The following KCNJ6 variants were observed in gnomAD, a reference collection of about 807,000 sequenced individuals.
The protein encoded by KCNJ6 is G protein-activated inward rectifier potassium channel 2.
A neutral mutation model predicts 34.2 loss-of-function variants in KCNJ6; 9 were observed. That is an observed-to-expected ratio of 0.26 (90% CI 0.16 to 0.46). The LOEUF (loss-of-function observed/expected upper bound fraction) is 0.46, where lower values mean the gene tolerates loss of function less well. KCNJ6 is among the 20% of genes least tolerant of loss of function. The probability of loss-of-function intolerance (pLI) is 1.00; values close to 1 mark genes in which losing one functional copy is unlikely to be tolerated. For synonymous variants in KCNJ6, 196 were observed against 207.1 expected, an observed-to-expected ratio of 0.95 and a Z score of 0.46; for missense variants, 236 against 531.3, an observed-to-expected ratio of 0.44 and a Z score of 5.46.
intron 2 of KCNJ6, among the ~76,000 whole-genome samples, chr21:37,812,244 C>T (rs1477282419): frequency 6.6e-6 from 1 of 152,186 alleles, no homozygotes; most frequent in Non-Finnish European, 1.5e-5. Flanking sequence ...GGCCCCATCA[C>T]CAGCTGCAGT....
intron 2 of KCNJ6, among the ~76,000 whole-genome samples, chr21:37,781,231 T>A (rs917544128): frequency 6.6e-6 from 1 of 152,230 alleles, no homozygotes; most frequent in African/African-American, 2.4e-5. Flanking sequence ...CCCCAAGGGA[T>A]GTCAAGTGTG....
intron 1 of KCNJ6, among the ~76,000 whole-genome samples, chr21:37,851,047 T>C (rs2055535066): frequency 6.6e-6 from 1 of 152,178 alleles, no homozygotes. Context: ...TGATCAAGTT[T>C]TGTGACAGGA....
At chr21:37,761,141 G>A (rs1462944028) in intron 2 of KCNJ6, among the ~76,000 whole-genome samples, 1 of 151,426 alleles carries the variant, frequency 6.6e-6, no homozygotes, top group East Asian at 1.9e-4. Context: ...GTGTACGTGT[G>A]GTATGTGTGG....
intron 1 of KCNJ6, among the ~76,000 whole-genome samples, chr21:37,850,352 G>T (rs2055531358): frequency 6.6e-6 from 1 of 152,022 alleles, no homozygotes; most frequent in Middle Eastern, 3.2e-3. Context: ...GCCTGTTAGG[G>T]ACTGGGCCAC....
chr21:37,824,440 T>C (rs1027867269), intron 2 of KCNJ6, among the ~76,000 whole-genome samples: 2 of 152,018 alleles, frequency 1.3e-5, no homozygotes, highest in Non-Finnish European at 2.9e-5. Context: ...GTTCTGTAGA[T>C]GAAAAGTCTG....
At chr21:37,780,148 GC>G (rs1456061307) in intron 2 of KCNJ6, among the ~76,000 whole-genome samples, 1 of 145,708 alleles carries the variant, frequency 6.9e-6, no homozygotes, top group Non-Finnish European at 1.6e-5. Context: ...TAGTTTTTAA[GC>G]CACAGAAAGA....
At chr21:37,804,454 G>T (rs746686201) in intron 2 of KCNJ6, among the ~76,000 whole-genome samples, 2 of 152,106 alleles carry the variant, frequency 1.3e-5, no homozygotes, top group South Asian at 4.2e-4. Flanking sequence ...TCAGGGGTAC[G>T]TGTGCAGGTT....
chr21:37,737,598 G>A (rs567246382), intron 2 of KCNJ6, among the ~76,000 whole-genome samples: 3 of 152,146 alleles, frequency 2.0e-5, no homozygotes, highest in South Asian at 2.1e-4. Context: ...GAAAATATCC[G>A]GAAAGAGGAC....
chr21:37,905,102 T>TCCATCATC (rs1262548620), intron 1 of KCNJ6, among the ~76,000 whole-genome samples: 19 of 152,306 alleles, frequency 1.2e-4, no homozygotes, highest in South Asian at 2.1e-4. Context: ...TTGGGTGGAA[T>TCCATCATC]CCATCATCAG....
At chr21:37,670,549 G>C (rs1389913801) in intron 3 of KCNJ6, among the ~76,000 whole-genome samples, 6 of 152,160 alleles carry the variant, frequency 3.9e-5, no homozygotes, top group African/African-American at 1.4e-4. Flanking sequence ...CAGATAACTT[G>C]AGCTCAGGAG....
intron 2 of KCNJ6, among the ~76,000 whole-genome samples, chr21:37,839,631 T>C (rs1470933272): frequency 6.6e-6 from 1 of 152,210 alleles, no homozygotes; most frequent in Non-Finnish European, 1.5e-5. Flanking sequence ...TAAGCCTCCA[T>C]TGTAACTTTC....
intron 1 of KCNJ6, among the ~76,000 whole-genome samples, chr21:37,860,015 A>G (rs181435811): frequency 6.6e-6 from 1 of 152,172 alleles, no homozygotes; most frequent in Non-Finnish European, 1.5e-5. Flanking sequence ...GCACTCCACA[A>G]GACACCCCGT....
At chr21:37,850,254 G>A (rs937314171) in intron 1 of KCNJ6, among the ~76,000 whole-genome samples, 42 of 152,118 alleles carry the variant, frequency 2.8e-4, no homozygotes, top group African/African-American at 9.9e-4. Flanking sequence ...CAGGCCCCAA[G>A]GTAAGGCTGG....
chr21:37,844,511 C>T (rs1319660771), intron 1 of KCNJ6, among the ~76,000 whole-genome samples: 1 of 152,008 alleles, frequency 6.6e-6, no homozygotes, highest in Non-Finnish European at 1.5e-5. Context: ...ATGGCCTCTC[C>T]CTGCTTGAAA....
chr21:37,772,345 C>A (rs1171658048), intron 2 of KCNJ6, among the ~76,000 whole-genome samples: 1 of 151,756 alleles, frequency 6.6e-6, no homozygotes, highest in Non-Finnish European at 1.5e-5. Flanking sequence ...ATTTAGGGTT[C>A]ATTGATAGAA....
intron 3 of KCNJ6, among the ~76,000 whole-genome samples, chr21:37,693,426 A>T (rs899351793): frequency 1.3e-5 from 2 of 152,164 alleles, no homozygotes; most frequent in African/African-American, 4.8e-5. Flanking sequence ...AGTCCATAAG[A>T]CAGAATCCTG....
intron 2 of KCNJ6, among the ~76,000 whole-genome samples, chr21:37,734,726 A>T (rs1333412231): frequency 6.6e-6 from 1 of 151,960 alleles, no homozygotes; most frequent in African/African-American, 2.4e-5. Context: ...GGTGACATGG[A>T]AGGGAAATAA....
Position 37,848,175 on chromosome 21 carries a change from CA to C in KCNJ6, c.-27-7467del, listed in dbSNP as rs1167350003. On this transcript the variant is annotated intron_variant, in intron 1 of 3. Transcript: ENST00000609713. ...GAAGGTGCCTGTGTGAAGACCGTGG[CA>C]ACCCACGCTGGTGAGCCAAGGAAGA... Among the ~76,000 whole-genome samples, 5 of 152,190 alleles carry C rather than the reference CA, an allele frequency of 3.3e-5. No homozygotes were observed. The South Asian group carries it at 6.2e-4, about 19-fold the overall frequency.
At chr21:37,756,704 T>C (rs9978925) in intron 2 of KCNJ6, among the ~76,000 whole-genome samples, 2,191 of 70,670 alleles carry the variant, frequency 0.031, 47 homozygotes, top group African/African-American at 0.038. Flanking sequence ...GATTCCAGCC[T>C]GGAGTGAGCA....
Sources: gnomAD v4.1 joint callset for allele counts (sites outside exome capture counted in the v4.1 genomes callset) on GRCh38, gnomAD v4.1.1 for gene constraint, MANE v1.5 for transcripts, NCBI Gene and HGNC (gene_info 2026-07-23, HGNC 2026-07-21) for gene names.